The following RIPOR2 variants were observed in gnomAD, a reference collection of about 807,000 sequenced individuals.
RIPOR2 encodes rho family-interacting cell polarization regulator 2.
Under a neutral mutation model 114.5 loss-of-function variants are expected in RIPOR2, and 39 were observed. The observed-to-expected ratio is 0.34, with a 90% confidence interval of 0.26 to 0.44. The LOEUF is 0.44. Ranked by LOEUF, RIPOR2 falls within the 20% of genes least tolerant of loss-of-function variation. The pLI is 1.00. For missense variants in RIPOR2, 1,007 were observed against 1,255.1 expected, an observed-to-expected ratio of 0.80 and a Z score of 2.99; for synonymous variants, 445 against 484.4, an observed-to-expected ratio of 0.92 and a Z score of 1.07.
intron 17 of RIPOR2, 144 bp downstream of exon 17, chr6:24,830,365 G>C: frequency 3.1e-6 from 2 of 642,658 alleles, no homozygotes; most frequent in South Asian, 3.9e-5. Flanking sequence ...TCCCTGGACA[G>C]TACACTTCTT....
chr6:24,811,457 G>C (rs1347553400), intron 20 of RIPOR2, among the ~76,000 whole-genome samples: 3 of 148,608 alleles, frequency 2.0e-5, no homozygotes, highest in Non-Finnish European at 4.5e-5. Flanking sequence ...GGCTGGTCTC[G>C]ATCTCCTGAC....
chr6:24,961,976 C>T lies in RIPOR2; in HGVS notation c.76+79875G>A, dbSNP rs550133961. 3.9e-5 allele frequency among the ~76,000 whole-genome samples: 6 copies of T among 152,128 alleles called. No homozygotes were observed. In the South Asian group the frequency reaches 1.2e-3, roughly 32 times the overall value. On this transcript the variant is annotated intron_variant, in intron 1 of 13. Transcript: ENST00000510784. Reference sequence around the variant, plus strand: ...AGCCTGAGGCAGGTACTTTTATTACCCTCATTACACATGTGAAGAAAGTAT... The same window carrying T: ...AGCCTGAGGCAGGTACTTTTATTACTCTCATTACACATGTGAAGAAAGTAT...
intron 1 of RIPOR2, among the ~76,000 whole-genome samples, chr6:24,951,696 G>T (rs566174452): frequency 6.6e-6 from 1 of 152,320 alleles, no homozygotes; most frequent in South Asian, 2.1e-4. Context: ...AAATGTCATG[G>T]TTGGTGGGGC....
chr6:24,845,826 T>C (rs896367749), intron 12 of RIPOR2, among the ~76,000 whole-genome samples: 2 of 151,966 alleles, frequency 1.3e-5, no homozygotes, highest in African/African-American at 4.8e-5. Flanking sequence ...GATGGTGAAG[T>C]AGGGGGCAGG....
At chr6:25,011,286 CA>C (rs1416456112) in intron 1 of RIPOR2, among the ~76,000 whole-genome samples, 14 of 152,036 alleles carry the variant, frequency 9.2e-5, no homozygotes, top group African/African-American at 3.1e-4. Context: ...TATGTGTGTG[CA>C]TGTATATAAT....
At chr6:24,903,073 A>G (rs1477723899) in intron 1 of RIPOR2, among the ~76,000 whole-genome samples, 1 of 152,232 alleles carries the variant, frequency 6.6e-6, no homozygotes, top group Non-Finnish European at 1.5e-5. Context: ...CTCCTCAGTC[A>G]GATGGTGGCT....
chr6:25,000,544 C>T (rs1271930667), intron 1 of RIPOR2, among the ~76,000 whole-genome samples: 2 of 152,166 alleles, frequency 1.3e-5, no homozygotes, highest in Non-Finnish European at 2.9e-5. Flanking sequence ...GTTAATGCAG[C>T]ACTTCTTTTT....
At chr6:24,947,131 T>C (rs1772462099) in intron 1 of RIPOR2, among the ~76,000 whole-genome samples, 1 of 152,148 alleles carries the variant, frequency 6.6e-6, no homozygotes, top group African/African-American at 2.4e-5. Context: ...AAAGATTCCG[T>C]GGGAGGATAT....
intron 1 of RIPOR2, chr6:25,015,705 C>T (rs1775943258): frequency 6.6e-6 from 1 of 151,928 alleles, no homozygotes; most frequent in Admixed American, 6.6e-5. Flanking sequence ...CCTGCTTATT[C>T]CTTCCAAAGT....
intron 19 of RIPOR2, among the ~76,000 whole-genome samples, chr6:24,822,675 C>T (rs536020242): frequency 2.6e-5 from 4 of 152,222 alleles, no homozygotes; most frequent in East Asian, 1.9e-4. Flanking sequence ...CCCACCACCA[C>T]GCCCAGCTAA....
At chr6:24,870,807 C>T (rs747132020) in intron 5 of RIPOR2, 59 bp downstream of exon 5, 171 of 1,361,440 alleles carry the variant, frequency 1.3e-4, no homozygotes, top group Non-Finnish European at 1.7e-4. Context: ...AGCCACCGTG[C>T]CCAGCAAGGA....
intron 12 of RIPOR2, among the ~76,000 whole-genome samples, chr6:24,847,235 G>T (rs1235798029): frequency 6.6e-6 from 1 of 152,210 alleles, no homozygotes; most frequent in African/African-American, 2.4e-5. Flanking sequence ...TTACAGGCGT[G>T]AGCCACCATG....
At chr6:25,014,850 G>A (rs1350377337) in intron 1 of RIPOR2, 1 of 152,182 alleles carries the variant, frequency 6.6e-6, no homozygotes, top group African/African-American at 2.4e-5. Flanking sequence ...GAGCCCACGA[G>A]TGTGTGAGAA....
At chr6:24,996,906 C>G (rs7754985) in intron 1 of RIPOR2, among the ~76,000 whole-genome samples, 8,719 of 152,252 alleles carry the variant, frequency 0.057, 812 homozygotes, top group African/African-American at 0.19. Context: ...ATGGACAACT[C>G]ACAGGCGGTA....
At chr6:24,963,904 AGTACAAAGAG>A (rs1233834959) in intron 1 of RIPOR2, among the ~76,000 whole-genome samples, 1 of 152,132 alleles carries the variant, frequency 6.6e-6, no homozygotes, top group Admixed American at 6.5e-5. Flanking sequence ...TTGCAAAAAT[AGTACAAAGAG>A]GTCCCATGTA....
intron 2 of RIPOR2, among the ~76,000 whole-genome samples, chr6:24,875,101 T>G (rs185840406): frequency 6.6e-6 from 1 of 152,346 alleles, no homozygotes; most frequent in East Asian, 1.9e-4. Flanking sequence ...CATCACCGTG[T>G]GCACAAATGG....
At chr6:25,009,476 TGAATTCGTA>T in intron 1 of RIPOR2, among the ~76,000 whole-genome samples, 1 of 152,306 alleles carries the variant, frequency 6.6e-6, no homozygotes, top group Non-Finnish European at 1.5e-5. Context: ...TAAATACCAA[TGAATTCGTA>T]GGAAATGTTT....
At chr6:25,026,866 C>T (rs1336309578) in intron 1 of RIPOR2, among the ~76,000 whole-genome samples, 1 of 152,156 alleles carries the variant, frequency 6.6e-6, no homozygotes, top group Non-Finnish European at 1.5e-5. Context: ...AACTCAAGTG[C>T]CCTCCAGTGG....
At chr6:25,006,553 G>A (rs534886356) in intron 1 of RIPOR2, among the ~76,000 whole-genome samples, 89 of 152,274 alleles carry the variant, frequency 5.8e-4, no homozygotes, top group African/African-American at 2.1e-3. Context: ...CACAATTCAA[G>A]TGAAAGGTGT....
Sources: allele counts gnomAD v4.1 joint callset (sites outside exome capture counted in the v4.1 genomes callset), GRCh38; gene constraint gnomAD v4.1.1; transcripts MANE v1.5; gene names NCBI Gene and HGNC (gene_info 2026-07-23, HGNC 2026-07-21).